The following VWA5B1 variants were observed in gnomAD, a reference collection of about 807,000 sequenced individuals.
VWA5B1 encodes von Willebrand factor A domain containing 5B1, also known as von Willebrand factor A domain-containing protein 5B1.
Under a neutral mutation model 118.2 loss-of-function variants are expected in VWA5B1, and 115 were observed. That is an observed-to-expected ratio of 0.97 (90% CI 0.84 to 1.14). The LOEUF is 1.14. Among genes scored for constraint, VWA5B1 ranks in the 50% most tolerant of loss-of-function variants. The pLI is 0.00. For synonymous variants in VWA5B1, 682 were observed against 658.4 expected (o/e 1.04, Z -0.55); for missense variants, 1,596 against 1,603.8 (o/e 1.00, Z 0.08).
chr1:20,313,821 G>C (rs2088919289), intron 3 of VWA5B1, among the ~76,000 whole-genome samples: 1 of 152,184 alleles, frequency 6.6e-6, no homozygotes, highest in South Asian at 2.1e-4. Context: ...GATGGGAGCA[G>C]GGGGTGGAAA....
intron 18 of VWA5B1, 92 bp from the exon 19 acceptor site, chr1:20,350,064 A>C: frequency 7.5e-7 from 1 of 1,324,768 alleles, no homozygotes; most frequent in Non-Finnish European, 1.1e-6. Flanking sequence ...ACCCACCTGC[A>C]GACACCGTGA....
chr1:20,330,099 G>C, intron 9 of VWA5B1, 81 bp from the exon 10 acceptor site: 1 of 1,474,068 alleles, frequency 6.8e-7, no homozygotes, highest in Non-Finnish European at 9.3e-7. Context: ...AGAAGATCTA[G>C]GGAAACAAAG....
rs145002215 is a variant in VWA5B1 at position 20,345,374 on chromosome 1, G to A, written c.2627-82G>A. 3.7e-5 allele frequency: 57 copies of A among 1,538,296 alleles called. No homozygotes were observed. In the African/African-American group the frequency reaches 6.9e-4, roughly 19 times the overall value. The stretch of plus-strand genomic sequence containing the variant: ...CAAAGATGGGGACCACTTAGGTAGA[G>A]CCCCCTTTTTAGCTTCCAAAGCTTG... On this transcript the variant is annotated intron_variant, in intron 16 of 21. Coordinates refer to ENST00000289815, the MANE Select transcript of VWA5B1 (RefSeq NM_001039500.3).
intron 8 of VWA5B1, among the ~76,000 whole-genome samples, chr1:20,323,857 C>G (rs1444709094): frequency 6.6e-6 from 1 of 152,198 alleles, no homozygotes; most frequent in African/African-American, 2.4e-5. Context: ...TGCTGAGGGT[C>G]TGCTATGTGT....
intron 8 of VWA5B1, among the ~76,000 whole-genome samples, chr1:20,324,840 G>A (rs1200572170): frequency 2.0e-5 from 3 of 152,134 alleles, no homozygotes; most frequent in Admixed American, 2.0e-4. Context: ...CATGACACAG[G>A]GGTGTAGTAG....
At chr1:20,328,355 G>A (rs1448446479) in intron 9 of VWA5B1, among the ~76,000 whole-genome samples, 3 of 152,158 alleles carry the variant, frequency 2.0e-5, no homozygotes, top group Non-Finnish European at 4.4e-5. Flanking sequence ...CGCATGCAAG[G>A]TTGAGCTAAG....
At chr1:20,291,387 T>TCTTTCTCTC (rs57894456) in intron 1 of VWA5B1, among the ~76,000 whole-genome samples, 1 of 114,170 alleles carries the variant, frequency 8.8e-6, no homozygotes, top group Non-Finnish European at 1.7e-5. Context: ...CTCTCTCTCT[T>TCTTTCTCTC]TCTGTCTCCT....
chr1:20,291,387 T>TCTCTCTCTCTC (rs57894456), intron 1 of VWA5B1, among the ~76,000 whole-genome samples: 4,813 of 113,850 alleles, frequency 0.042, 220 homozygotes, highest in Middle Eastern at 0.092. Flanking sequence ...CTCTCTCTCT[T>TCTCTCTCTCTC]TCTGTCTCCT....
At chr1:20,316,634 A>C (rs1423980264) in intron 4 of VWA5B1, among the ~76,000 whole-genome samples, 4 of 152,318 alleles carry the variant, frequency 2.6e-5, no homozygotes, top group South Asian at 2.1e-4. Flanking sequence ...TGGAGATTGC[A>C]AAGAAAGAGG....
At chr1:20,345,754 G>T (rs2089994599) in intron 17 of VWA5B1, among the ~76,000 whole-genome samples, 161 bp downstream of exon 17, 1 of 152,212 alleles carries the variant, frequency 6.6e-6, no homozygotes, top group African/African-American at 2.4e-5. Flanking sequence ...CTGCTAGGGG[G>T]TGGGCGCCCC....
At chr1:20,348,110 T>C in intron 17 of VWA5B1, 135 bp from the exon 18 acceptor site, 1 of 842,536 alleles carries the variant, frequency 1.2e-6, no homozygotes, top group Non-Finnish European at 1.9e-6. Context: ...CTTATGGTCT[T>C]ACCCTGTACA....
intron 1 of VWA5B1, among the ~76,000 whole-genome samples, chr1:20,302,567 G>T (rs1361441409): frequency 2.6e-5 from 4 of 152,216 alleles, no homozygotes; most frequent in Non-Finnish European, 5.9e-5. Flanking sequence ...GAGGGCAGGG[G>T]CCCTGTACTT....
chr1:20,291,359 T>TCTCTCTCTCTCTC (rs2088297636), intron 1 of VWA5B1, among the ~76,000 whole-genome samples: 130 of 103,370 alleles, frequency 1.3e-3, no homozygotes, highest in Non-Finnish European at 1.3e-3. Context: ...CTTTCTTTCT[T>TCTCTCTCTCTCTC]TCTCTCTCTC....
rs970214152 is a variant in VWA5B1, at chr1:20,330,399, G to A, written c.1457+17G>A. 5 of 1,551,116 alleles carry A rather than the reference G, an allele frequency of 3.2e-6. No individual in the cohort carries two copies. Among genetic ancestry groups the A allele is most frequent in the Admixed American group, 2.0e-5 (1 of 51,004 alleles). On this transcript the variant is annotated intron_variant, in intron 10 of 21. Transcript: ENST00000289815. ...CTCCACCAGGTCGGCCTTGGCTGAG[G>A]GTCTAGGCTCGGTGACTCCAGGCTG...
intron 11 of VWA5B1, 59 bp downstream of exon 11, chr1:20,331,042 GTCACA>G: frequency 7.1e-7 from 1 of 1,402,392 alleles, no homozygotes; most frequent in Non-Finnish European, 9.6e-7. Flanking sequence ...GCTCAGACCA[GTCACA>G]TGGCAACTCA....
At chr1:20,312,658 C>G (rs574777936) in intron 2 of VWA5B1, among the ~76,000 whole-genome samples, 178 bp from the exon 3 acceptor site, 1 of 152,206 alleles carries the variant, frequency 6.6e-6, no homozygotes, top group African/African-American at 2.4e-5. Flanking sequence ...GCTGTGCTTA[C>G]CCACCTGGTC....
intron 11 of VWA5B1, 73 bp downstream of exon 11, chr1:20,331,056 C>T (rs1189605564): frequency 6.1e-6 from 8 of 1,301,804 alleles, no homozygotes; most frequent in Admixed American, 2.6e-5. Context: ...CATGGCAACT[C>T]AGTGGTGGAG....
intron 14 of VWA5B1, among the ~76,000 whole-genome samples, chr1:20,341,996 C>A (rs1051752839): frequency 7.9e-5 from 12 of 151,694 alleles, no homozygotes; most frequent in African/African-American, 2.7e-4. Context: ...CACAAACAAA[C>A]AAAAATGAAA....
chr1:20,330,006 A>G (rs1445012435), intron 9 of VWA5B1, among the ~76,000 whole-genome samples, 174 bp from the exon 10 acceptor site: 1 of 152,232 alleles, frequency 6.6e-6, no homozygotes, highest in African/African-American at 2.4e-5. Context: ...GCAGGATGAC[A>G]CCAAATGAGT....
Sources: allele counts gnomAD v4.1 joint callset (sites outside exome capture counted in the v4.1 genomes callset), GRCh38; gene constraint gnomAD v4.1.1; transcripts MANE v1.5; gene names NCBI Gene and HGNC (gene_info 2026-07-23, HGNC 2026-07-21).